Variants in ANOS1 observed in about 807,000 individuals in gnomAD.
ANOS1 encodes the protein anosmin 1, also known as anosmin-1.
A neutral mutation model predicts 59.0 loss-of-function variants in ANOS1; 6 were observed. The ratio of observed to expected loss-of-function variants is 0.10; its 90% CI spans 0.06 to 0.20. The LOEUF (loss-of-function observed/expected upper bound fraction) is 0.20. Ranked by LOEUF, ANOS1 falls within the 10% of genes least tolerant of loss-of-function variation. The pLI is 1.00. For missense variants in ANOS1, 433 were observed against 542.3 expected (o/e 0.80, Z 2.00); for synonymous variants, 217 against 223.4 (o/e 0.97, Z 0.25).
chrX:8,627,078 A>G (rs1292079942), intron 2 of ANOS1, among the ~76,000 whole-genome samples: 1 of 112,147 alleles, frequency 8.9e-6, no homozygotes, highest in African/African-American at 3.2e-5. Flanking sequence ...AAATGAATAC[A>G]TGACACTCTT....
intron 7 of ANOS1, among the ~76,000 whole-genome samples, chrX:8,569,979 G>A (rs896159530): frequency 2.7e-5 from 3 of 110,769 alleles, no homozygotes; most frequent in Admixed American, 9.6e-5. Flanking sequence ...GGCATCTGAC[G>A]GATAAACCAC....
intron 3 of ANOS1, among the ~76,000 whole-genome samples, chrX:8,598,613 T>C (rs1164440909): frequency 1.8e-5 from 2 of 111,616 alleles, no homozygotes; most frequent in Non-Finnish European, 3.8e-5. Context: ...ACCCTCTTTT[T>C]GCTTTATAGA....
At chrX:8,723,240 G>A (rs1477344726) in intron 1 of ANOS1, among the ~76,000 whole-genome samples, 1 of 112,389 alleles carries the variant, frequency 8.9e-6, no homozygotes, top group East Asian at 2.8e-4. Flanking sequence ...GCTTTTGCGC[G>A]GCAAAAAGAA....
At chrX:8,556,980 A>T (rs940989512) in intron 8 of ANOS1, among the ~76,000 whole-genome samples, 6 of 111,848 alleles carry the variant, frequency 5.4e-5, no homozygotes, top group Non-Finnish European at 9.4e-5. Context: ...CAAAACAGAT[A>T]TATAGACCAA....
Position 8,568,273 on chromosome X carries a change from T to C in ANOS1, c.1166A>G (p.Lys389Arg). 1.7e-6 allele frequency: 2 copies of C among 1,210,310 alleles called. No homozygotes were observed. Among genetic ancestry groups the C allele is most frequent in the African/African-American group, 1.7e-5 (1 of 57,785 alleles). ...YWGQTRLKSA[K>R]VSLHFTSTHA... ...TGTCGATGTGAAGTGAAGGGACACC[T>C]TTGCACTCTTCAGCCGTGTCTGTCC... The change falls in exon 8 of 14, where the codon AAG (lysine) becomes AGG (arginine). Residue 389 changes from lysine to arginine, a missense_variant. Physicochemically the swap from Lys to Arg is conservative, Grantham distance 26 (BLOSUM62 2). Coordinates refer to ENST00000262648, the MANE Select transcript of ANOS1 (RefSeq NM_000216.4).
At chrX:8,713,583 C>T (rs1932824465) in intron 1 of ANOS1, among the ~76,000 whole-genome samples, 1 of 110,907 alleles carries the variant, frequency 9.0e-6, no homozygotes, top group African/African-American at 3.3e-5. Context: ...AAATACACTC[C>T]AAATGTCTCC....
At chrX:8,622,523 C>G (rs1231876199) in intron 3 of ANOS1, among the ~76,000 whole-genome samples, 1 of 111,824 alleles carries the variant, frequency 8.9e-6, no homozygotes, top group African/African-American at 3.3e-5. Flanking sequence ...CCTTTCACCC[C>G]CCAGTTCTGT....
intron 2 of ANOS1, among the ~76,000 whole-genome samples, chrX:8,647,259 C>T (rs765738433): frequency 7.7e-4 from 85 of 110,742 alleles, no homozygotes; most frequent in Admixed American, 1.5e-3. Flanking sequence ...CCAAATGCCC[C>T]CCAGGGACAA....
At chrX:8,666,864 C>G (rs912882174) in intron 2 of ANOS1, among the ~76,000 whole-genome samples, 23 of 111,622 alleles carry the variant, frequency 2.1e-4, no homozygotes, top group Non-Finnish European at 4.0e-4. Context: ...ACTCACTTCA[C>G]CTTGTATGCC....
chrX:8,643,734 C>A (rs1010857712), intron 2 of ANOS1, among the ~76,000 whole-genome samples: 2 of 111,689 alleles, frequency 1.8e-5, no homozygotes, highest in Non-Finnish European at 3.8e-5. Flanking sequence ...CATTTGTCAT[C>A]TATTGTTTCT....
At chrX:8,589,904 C>A (rs1434626831) in intron 4 of ANOS1, among the ~76,000 whole-genome samples, 2 of 112,068 alleles carry the variant, frequency 1.8e-5, no homozygotes, top group East Asian at 5.6e-4. Context: ...GATCTTAGAA[C>A]CTTTTTGATA....
chrX:8,692,168 CAATGGTTGGAAAAA>C (rs1397203747), intron 2 of ANOS1, among the ~76,000 whole-genome samples: 4 of 110,716 alleles, frequency 3.6e-5, no homozygotes, highest in African/African-American at 6.6e-5. Flanking sequence ...CTTTCATTTT[CAATGGTTGGAAAAA>C]AAATAAGTAA....
At chrX:8,581,220 G>A (rs186745191) in intron 6 of ANOS1, among the ~76,000 whole-genome samples, 4 of 110,923 alleles carry the variant, frequency 3.6e-5, no homozygotes, top group Admixed American at 1.9e-4. Flanking sequence ...GGTCTTTCTC[G>A]TGCTATTCTC....
At chrX:8,685,586 G>GGAAGGAAGAA (rs1223862079) in intron 2 of ANOS1, among the ~76,000 whole-genome samples, 33 of 60,786 alleles carry the variant, frequency 5.4e-4, no homozygotes, top group East Asian at 1.1e-3. Context: ...AGGAAAGAAA[G>GGAAGGAAGAA]AGAAAGAAAG....
intron 3 of ANOS1, among the ~76,000 whole-genome samples, chrX:8,602,791 T>A (rs1282089447): frequency 9.0e-6 from 1 of 110,907 alleles, no homozygotes; most frequent in East Asian, 2.8e-4. Flanking sequence ...CAGGCTAGAG[T>A]ACACTTGCAT....
intron 3 of ANOS1, among the ~76,000 whole-genome samples, chrX:8,616,700 C>T (rs1601981201): frequency 1.8e-5 from 2 of 111,593 alleles, no homozygotes; most frequent in South Asian, 7.6e-4. Flanking sequence ...AAAGCCCTGG[C>T]AACACCACTG....
At position 8,580,953 on chromosome X, in the gene ANOS1, C is replaced by T. The variant is rs1267193954; in HGVS notation, c.856+4314G>A. Among the ~76,000 whole-genome samples, 3 of 111,432 alleles carry T rather than the reference C, an allele frequency of 2.7e-5. No individual in the cohort carries two copies. The East Asian group carries it at 8.4e-4, about 31-fold the overall frequency. On this transcript the variant is annotated intron_variant, in intron 6 of 13. Coordinates refer to ENST00000262648, the MANE Select transcript of ANOS1 (RefSeq NM_000216.4). ...CTGTTTTTTAAAAGTAATTTTAAAC[C>T]ACTGGAAGACTGGCACAGTTTCAAT...
In ANOS1 at chrX:8,531,791, AT is replaced by A. The variant is rs1394256558; in HGVS notation, c.*1203del. 1 of 111,522 alleles carries A rather than the reference AT, an allele frequency of 9.0e-6. No individual in the cohort carries two copies. The highest frequency in any genetic ancestry group is 1.9e-5 in the Non-Finnish European group (1 of 53,058). 9.2% of individuals were successfully genotyped at this position (111,522 alleles called of 1,213,427 possible). On this transcript the variant is annotated 3_prime_UTR_variant, in exon 14 of 14. Coordinates refer to ENST00000262648, the MANE Select transcript of ANOS1 (RefSeq NM_000216.4). ...CACATTTCAAACCATGTATGTGAGT[AT>A]TCCTTCAAGAAAAAAAACAGTATTA...
chrX:8,533,130 A>G, intron 13 of ANOS1, 77 bp from the exon 14 acceptor site: 1 of 635,660 alleles, frequency 1.6e-6, no homozygotes, highest in East Asian at 3.5e-5. Flanking sequence ...TTATTTGTAG[A>G]AAAAGCACGA....
Sources: gnomAD v4.1 joint callset for allele counts (sites outside exome capture counted in the v4.1 genomes callset) on GRCh38, gnomAD v4.1.1 for gene constraint, MANE v1.5 for transcripts, NCBI Gene and HGNC (gene_info 2026-07-23, HGNC 2026-07-21) for gene names.